Variants in ZNF236 observed in about 807,000 individuals in gnomAD.
The protein encoded by ZNF236 is zinc finger protein 236, also known as regulated by glucose.
A neutral mutation model predicts 191.2 loss-of-function variants in ZNF236; 50 were observed. That is an observed-to-expected ratio of 0.26 (90% CI 0.21 to 0.33). The LOEUF (loss-of-function observed/expected upper bound fraction) is 0.33, where lower values mean the gene tolerates loss of function less well. Among genes scored for constraint, ZNF236 ranks in the 10% least tolerant of loss-of-function variants. The pLI is 1.00. For missense variants in ZNF236, 1,754 were observed against 2,374.5 expected (o/e 0.74, Z 5.43); for synonymous variants, 907 against 928.8 (o/e 0.98, Z 0.43).
intron 25 of ZNF236, among the ~76,000 whole-genome samples, chr18:76,933,070 A>G (rs1967900070): frequency 6.6e-6 from 1 of 152,222 alleles, no homozygotes; most frequent in Non-Finnish European, 1.5e-5. Flanking sequence ...CAGTGGGTGC[A>G]AGGCTCCCAC....
chr18:76,845,848 TA>T (rs146207394), intron 1 of ZNF236, among the ~76,000 whole-genome samples: 329 of 142,286 alleles, frequency 2.3e-3, no homozygotes, highest in South Asian at 2.7e-3. Context: ...GACTCCATCT[TA>T]AAAAAAAAAA....
chr18:76,874,936 G>C (rs1976673475), intron 5 of ZNF236, among the ~76,000 whole-genome samples: 1 of 152,228 alleles, frequency 6.6e-6, no homozygotes, highest in African/African-American at 2.4e-5. Context: ...CTCTAGGGGG[G>C]ATTGGAAGCC....
intron 1 of ZNF236, among the ~76,000 whole-genome samples, chr18:76,826,881 A>G (rs958023099): frequency 2.0e-5 from 3 of 151,654 alleles, no homozygotes; most frequent in African/African-American, 4.8e-5. Context: ...CCTGTATTCA[A>G]CAACTATTTT....
At chr18:76,968,019 T>C (rs1385134104) in intron 30 of ZNF236, among the ~76,000 whole-genome samples, 196 bp from the exon 31 acceptor site, 1 of 152,194 alleles carries the variant, frequency 6.6e-6, no homozygotes, top group Non-Finnish European at 1.5e-5. Flanking sequence ...GCGTTCATAC[T>C]CCTAACAGTA....
In ZNF236 at chr18:76,912,243, G is replaced by C; in HGVS notation, c.2806-1G>C. On this transcript the variant is annotated splice_acceptor_variant, in intron 16 of 30. Transcript: ENST00000320610. LOFTEE classifies it high-confidence loss of function. ...TGCTTTATACTTCTCTTAAATTTTA[G>C]ACAACTCGCTTGATTCAGGAGTCAT... 1 of 1,612,016 alleles carries C rather than the reference G, an allele frequency of 6.2e-7. No individual in the cohort carries two copies. The highest frequency in any genetic ancestry group is 8.5e-7 in the Non-Finnish European group (1 of 1,178,854).
chr18:76,882,640 C>T (rs1020569746), intron 9 of ZNF236, among the ~76,000 whole-genome samples: 1 of 152,206 alleles, frequency 6.6e-6, no homozygotes, highest in African/African-American at 2.4e-5. Context: ...CACTTCTTTC[C>T]TAGAATACAT....
chr18:76,873,662 G>T (rs1307473745), intron 5 of ZNF236, among the ~76,000 whole-genome samples: 1 of 152,218 alleles, frequency 6.6e-6, no homozygotes, highest in Admixed American at 6.5e-5. Context: ...TGCCTGGATT[G>T]TGTATGCCCC....
intron 1 of ZNF236, among the ~76,000 whole-genome samples, chr18:76,835,670 A>G (rs948590596): frequency 6.6e-6 from 1 of 152,020 alleles, no homozygotes; most frequent in African/African-American, 2.4e-5. Context: ...TTGTCTTTCT[A>G]TCCTTATATG....
At position 76,956,080 on chromosome 18, in the gene ZNF236, G is replaced by A. The variant is rs368766762; in HGVS notation, c.5010G>A (p.Ser1670=). Residue 1670 remains serine, a synonymous_variant, in exon 28 of 31, where the codon TCG becomes TCA. Transcript: ENST00000320610. The part of the protein sequence containing the change: ...QCLECDRAFS[S]AAVLMHHSKE... ...TGGAGTGTGACCGCGCCTTCTCATC[G>A]GCGGCGGTGCTCATGCACCACAGCA... 50 of 1,597,444 alleles carry A rather than the reference G, an allele frequency of 3.1e-5. No homozygotes were observed. Among genetic ancestry groups the A allele is most frequent in the East Asian group, 1.6e-4 (7 of 44,328 alleles).
rs1968652736 is a variant in ZNF236, at chr18:76,960,955, A to C, written c.5419+100A>C. On this transcript the variant is annotated intron_variant, in intron 30 of 30. Transcript: ENST00000320610. The surrounding 1 kb of genome is among the most constrained non-coding windows in gnomAD (Gnocchi z 4.4). ...CCTTTAGTTCACACAGTGATTTTGCATTGCACGTGGTACAGCCTCAGTTGT... is the reference window on the plus strand; with the variant it reads ...CCTTTAGTTCACACAGTGATTTTGCCTTGCACGTGGTACAGCCTCAGTTGT... 1 of 1,314,262 alleles carries C rather than the reference A, an allele frequency of 7.6e-7. No homozygotes were observed. Among genetic ancestry groups the C allele is most frequent in the African/African-American group, 1.5e-5 (1 of 67,556 alleles). The allele number at this position is 1,314,262 out of a possible 1,614,324, so 81.4% of individuals were successfully genotyped here. A position where few individuals can be genotyped will look rare whatever the true frequency, so the allele number is the denominator to read the frequency against.
At chr18:76,853,272 T>A (rs1229430463) in intron 3 of ZNF236, among the ~76,000 whole-genome samples, 1 of 151,738 alleles carries the variant, frequency 6.6e-6, no homozygotes, top group Non-Finnish European at 1.5e-5. Flanking sequence ...AGAGATAGGG[T>A]TTCACCATGT....
intron 3 of ZNF236, among the ~76,000 whole-genome samples, chr18:76,867,056 T>C (rs1179338691): frequency 6.6e-6 from 1 of 152,058 alleles, no homozygotes; most frequent in East Asian, 1.9e-4. Context: ...ATCAGATCAT[T>C]TGGTAAAAGA....
chr18:76,846,024 G>T (rs537867885), intron 1 of ZNF236, among the ~76,000 whole-genome samples: 49 of 152,326 alleles, frequency 3.2e-4, no homozygotes, highest in African/African-American at 1.1e-3. Flanking sequence ...TGCAGGTGTG[G>T]GTATGCTGTT....
chr18:76,966,395 A>G lies in ZNF236; in HGVS notation c.5420-1820A>G, dbSNP rs564011327. ...CAGAATTTGATTAGATTAAATTTAT[A>G]TTTTGGCAAGGGCACAGAAATTTAT... On this transcript the variant is annotated intron_variant, in intron 30 of 30. Coordinates refer to ENST00000320610, the MANE Select transcript of ZNF236 (RefSeq NM_001306089.2). Among the ~76,000 whole-genome samples, 7 of 152,272 alleles carry G rather than the reference A, an allele frequency of 4.6e-5. No individual in the cohort carries two copies. The South Asian group carries it at 1.2e-3, about 27-fold the overall frequency.
In ZNF236 at chr18:76,880,359, C is replaced by A; in HGVS notation, c.1188+43C>A. The A allele has an allele frequency of 1.3e-6, 2 of 1,547,928 alleles. No individual in the cohort carries two copies. Among genetic ancestry groups the A allele is most frequent in the African/African-American group, 1.4e-5 (1 of 73,374 alleles). On this transcript the variant is annotated intron_variant, in intron 8 of 30. Transcript: ENST00000320610. The surrounding 1 kb of genome is among the most constrained non-coding windows in gnomAD (Gnocchi z 5.0). Reference sequence around the variant, plus strand: ...GCGGTGTGAGGCTTACGTGCTCGTGCTGGGTCAGAAACCAGGGATGATAAT... The same window carrying A: ...GCGGTGTGAGGCTTACGTGCTCGTGATGGGTCAGAAACCAGGGATGATAAT...
chr18:76,877,498 C>CA (rs990785723), intron 6 of ZNF236, among the ~76,000 whole-genome samples: 179 of 111,600 alleles, frequency 1.6e-3, no homozygotes, highest in East Asian at 3.1e-3. Flanking sequence ...CAGAGCATCT[C>CA]AAAAAAAAAA....
At chr18:76,934,553 T>G (rs998645057) in intron 25 of ZNF236, among the ~76,000 whole-genome samples, 3 of 152,272 alleles carry the variant, frequency 2.0e-5, no homozygotes, top group African/African-American at 7.2e-5. Context: ...CAAAGACCAG[T>G]ATTTGTTTTC....
At chr18:76,851,452 A>G (rs955523311) in intron 2 of ZNF236, among the ~76,000 whole-genome samples, 1 of 152,156 alleles carries the variant, frequency 6.6e-6, no homozygotes, top group African/African-American at 2.4e-5. Context: ...TTTTAATAAC[A>G]TGTTTTAAAG....
At chr18:76,928,624 TTCTC>T (rs1967770328) in intron 25 of ZNF236, among the ~76,000 whole-genome samples, 1 of 152,166 alleles carries the variant, frequency 6.6e-6, no homozygotes, top group Admixed American at 6.5e-5. Flanking sequence ...GGCAATCTAA[TTCTC>T]TCTGCCAGTC....
Sources: gnomAD v4.1 joint callset for allele counts (sites outside exome capture counted in the v4.1 genomes callset) on GRCh38, gnomAD v4.1.1 for gene constraint, Gnocchi (gnomAD v3.1) non-coding constraint, MANE v1.5 for transcripts, NCBI Gene and HGNC (gene_info 2026-07-23, HGNC 2026-07-21) for gene names.